FNBP4: variants seen among roughly 807,000 people sequenced by gnomAD.
The protein encoded by FNBP4 is formin-binding protein 4.
A neutral mutation model predicts 119.3 loss-of-function variants in FNBP4; 34 were observed. The observed-to-expected ratio is 0.28, with a 90% CI of 0.22 to 0.38. FNBP4 has a LOEUF of 0.38. Ranked by LOEUF, FNBP4 falls within the 10% of genes least tolerant of loss-of-function variation. The pLI, the probability that FNBP4 is intolerant of heterozygous loss-of-function variation, is 1.00. For missense variants in FNBP4, 1,112 were observed against 1,228.9 expected, an observed-to-expected ratio of 0.90 and a Z score of 1.42; for synonymous variants, 462 against 430.6, an observed-to-expected ratio of 1.07 and a Z score of -0.90.
chr11:47,764,361 C>T (rs544992509), intron 2 of FNBP4, among the ~76,000 whole-genome samples: 28 of 152,270 alleles, frequency 1.8e-4, no homozygotes, highest in African/African-American at 5.8e-4. Context: ...GGATTACAGG[C>T]GTGAGCCACT....
chr11:47,725,680 C>T, intron 12 of FNBP4: 1 of 641,104 alleles, frequency 1.6e-6, no homozygotes, highest in Non-Finnish European at 1.9e-6. Context: ...TCATTGATTA[C>T]TGTCTTTTCT....
Position 47,751,266 on chromosome 11 carries a change from T to C in FNBP4, c.662A>G (p.Gln221Arg), listed in dbSNP as rs1044965696. ...TCCCGTGTTCTCATCCCAGACTTCC[T>C]GCCAATCGCCCATCTCAATTCCGAC... ...AGVGIEMGDW[Q>R]EVWDENTGCY... Residue 221 changes from glutamine (Q) to arginine (R), a missense_variant, in exon 5 of 17, where the codon CAG becomes CGG. Gln to Arg is a conservative substitution (Grantham distance 43). Around this residue, in one of 2 missense-constraint regions of FNBP4, gnomAD observed 826 missense variants for 988.8 expected, o/e 0.84. Coordinates refer to ENST00000263773, the MANE Select transcript of FNBP4 (RefSeq NM_015308.5). 6.2e-7 allele frequency: 1 copy of C among 1,614,052 alleles called. No homozygotes were observed. Among genetic ancestry groups the C allele is most frequent in the African/African-American group, 1.3e-5 (1 of 74,948 alleles).
intron 4 of FNBP4, 134 bp from the exon 5 acceptor site, chr11:47,751,424 G>A: frequency 1.0e-6 from 1 of 969,088 alleles, no homozygotes; most frequent in Non-Finnish European, 1.6e-6. Context: ...CTTTGTTGTG[G>A]AGGGGCAATC....
rs1040598526 is a variant in FNBP4, at chr11:47,716,549, A to G, written c.*873T>C. ...TATAAAAAAAGCTTTATTAGTGCATATATACAAATTTACAAGGTCAGAAAC... is the reference window on the plus strand; with the variant it reads ...TATAAAAAAAGCTTTATTAGTGCATGTATACAAATTTACAAGGTCAGAAAC... On this transcript the variant is annotated 3_prime_UTR_variant, in exon 17 of 17. Transcript: ENST00000263773. 10 of 152,688 alleles carry G rather than the reference A, an allele frequency of 6.5e-5. No individual in the cohort carries two copies. Among genetic ancestry groups the G allele is most frequent in the Admixed American group, 3.9e-4 (6 of 15,284 alleles). The allele number at this position is 152,688 out of a possible 1,614,324, so 9.5% of individuals were successfully genotyped here.
At chr11:47,735,971 G>A (rs1322717020) in intron 9 of FNBP4, among the ~76,000 whole-genome samples, 19 of 152,022 alleles carry the variant, frequency 1.2e-4, no homozygotes, top group East Asian at 5.8e-4. Flanking sequence ...CCAGCTACTC[G>A]GGAGGCTGAG....
chr11:47,731,247 G>A, intron 12 of FNBP4, 127 bp downstream of exon 12: 1 of 896,844 alleles, frequency 1.1e-6, no homozygotes, highest in Non-Finnish European at 1.6e-6. Flanking sequence ...CCTTGTTTTA[G>A]TTCACACCAC....
At chr11:47,744,604 T>G (rs2097586789) in intron 7 of FNBP4, among the ~76,000 whole-genome samples, 1 of 152,148 alleles carries the variant, frequency 6.6e-6, no homozygotes, top group African/African-American at 2.4e-5. Flanking sequence ...CATTTTTTTG[T>G]GGGTACATAG....
At position 47,767,340 on chromosome 11, in the gene FNBP4, C is replaced by T. The variant is rs56397286; in HGVS notation, c.-52G>A. ...GTCGGGCGGCCGAGAGGGGCGGGCA[C>T]TGGAGGCTGGGCGCTGGGCCCTGGG... On this transcript the variant is annotated 5_prime_UTR_variant, in exon 1 of 17. The change creates a new upstream start codon in the 5' untranslated region. Transcript: ENST00000263773. 7.1e-7 allele frequency: 1 copy of T among 1,417,244 alleles called. No homozygotes were observed. The allele number at this position is 1,417,244 out of a possible 1,614,324, so 87.8% of individuals were successfully genotyped here.
chr11:47,756,454 T>C (rs911430221), intron 2 of FNBP4, among the ~76,000 whole-genome samples: 2 of 152,174 alleles, frequency 1.3e-5, no homozygotes, highest in Admixed American at 1.3e-4. Flanking sequence ...TAAACATAAA[T>C]TGTTCCATTA....
chr11:47,728,792 G>A (rs1408781427), intron 12 of FNBP4, among the ~76,000 whole-genome samples: 2 of 149,624 alleles, frequency 1.3e-5, no homozygotes, highest in Non-Finnish European at 1.5e-5. Flanking sequence ...AACTCCCAAA[G>A]TGCTGGAATT....
intron 7 of FNBP4, among the ~76,000 whole-genome samples, chr11:47,745,662 C>T (rs1421250899): frequency 6.6e-6 from 1 of 152,114 alleles, no homozygotes; most frequent in Non-Finnish European, 1.5e-5. Flanking sequence ...ACACCTCCTC[C>T]CCTTTTGAAA....
At chr11:47,758,997 C>T (rs2097626667) in intron 2 of FNBP4, among the ~76,000 whole-genome samples, 1 of 150,900 alleles carries the variant, frequency 6.6e-6, no homozygotes, top group Non-Finnish European at 1.5e-5. Flanking sequence ...CAGCTCAGTG[C>T]AACCTCCGCC....
chr11:47,720,834 G>A (rs775019566), intron 15 of FNBP4, among the ~76,000 whole-genome samples: 10 of 151,324 alleles, frequency 6.6e-5, no homozygotes, highest in African/African-American at 2.2e-4. Context: ...CATATTAGCC[G>A]GGGGCGGTGG....
chr11:47,733,440 A>C (rs1397468558), intron 10 of FNBP4, among the ~76,000 whole-genome samples: 1 of 151,786 alleles, frequency 6.6e-6, no homozygotes, highest in Non-Finnish European at 1.5e-5. Context: ...GGTTCAAGCG[A>C]TTCTCCTGCC....
At chr11:47,740,198 T>C (rs1348569020) in intron 8 of FNBP4, among the ~76,000 whole-genome samples, 1 of 151,988 alleles carries the variant, frequency 6.6e-6, no homozygotes, top group South Asian at 2.1e-4. Context: ...GCGGATCACC[T>C]GAGGTCGGGA....
At chr11:47,721,675 G>A (rs558618793) in intron 15 of FNBP4, among the ~76,000 whole-genome samples, 2 of 151,738 alleles carry the variant, frequency 1.3e-5, no homozygotes, top group African/African-American at 2.4e-5. Flanking sequence ...TTTTCTTTTC[G>A]CTTACCTTCA....
chr11:47,734,316 A>G (rs984676342), intron 9 of FNBP4, among the ~76,000 whole-genome samples, 187 bp from the exon 10 acceptor site: 1 of 152,242 alleles, frequency 6.6e-6, no homozygotes, highest in African/African-American at 2.4e-5. Context: ...TACACATAAC[A>G]AAGTGACAAA....
Position 47,764,325 on chromosome 11 carries a change from G to A in FNBP4, c.313+945C>T, listed in dbSNP as rs1250522182. Reference sequence around the variant, plus strand: ...TCGAACTCCTGAACTCAGGTGATCCGCCTGCCTCAGACTACCAAAGTGCTG... The same window carrying A: ...TCGAACTCCTGAACTCAGGTGATCCACCTGCCTCAGACTACCAAAGTGCTG... On this transcript the variant is annotated intron_variant, in intron 2 of 16. Coordinates refer to ENST00000263773, the MANE Select transcript of FNBP4 (RefSeq NM_015308.5). Among the ~76,000 whole-genome samples, 7 of 152,022 alleles carry A rather than the reference G, an allele frequency of 4.6e-5. No individual in the cohort carries two copies. In the South Asian group the frequency reaches 8.3e-4, roughly 18 times the overall value.
chr11:47,758,199 A>G (rs747198418), intron 2 of FNBP4, among the ~76,000 whole-genome samples: 9 of 151,850 alleles, frequency 5.9e-5, no homozygotes, highest in Non-Finnish European at 1.2e-4. Context: ...TCCCACCTCA[A>G]TCAGGCTCCT....
Sources: allele counts gnomAD v4.1 joint callset (sites outside exome capture counted in the v4.1 genomes callset), GRCh38; gene constraint gnomAD v4.1.1; regional missense constraint gnomAD v4.1.1; transcripts MANE v1.5; gene names NCBI Gene and HGNC (gene_info 2026-07-23, HGNC 2026-07-21).